Variants in CMTM1 observed in about 807,000 individuals in gnomAD.
CMTM1 encodes CKLF-like MARVEL transmembrane domain-containing protein 1.
CMTM1 carries 16 observed loss-of-function variants against 17.8 expected under a neutral mutation model. The observed-to-expected ratio is 0.90, with a 90% CI of 0.61 to 1.37. The LOEUF (loss-of-function observed/expected upper bound fraction) is 1.37. CMTM1 is among the 40% of genes most tolerant of loss of function. The probability of loss-of-function intolerance (pLI) is 0.00; values close to 1 mark genes in which losing one functional copy is unlikely to be tolerated. For missense variants in CMTM1, 354 were observed against 375.6 expected, an observed-to-expected ratio of 0.94 and a Z score of 0.47; for synonymous variants, 169 against 154.6, an observed-to-expected ratio of 1.09 and a Z score of -0.69.
chr16:66,578,992 G>A lies in CMTM1; in HGVS notation c.852G>A (p.Arg284=), dbSNP rs958484784. 1.9e-6 allele frequency: 3 copies of A among 1,613,040 alleles called. No homozygotes were observed. In the African/African-American group the frequency reaches 4.0e-5, roughly 22 times the overall value. The part of the protein sequence containing the change: ...YPETGPDAPQ[R]PA Reference sequence around the variant, plus strand: ...AAACCGGCCCCGACGCCCCGCAGAGGCCCGCCTGAAGCCAGCCCGGCGCCC... The same window carrying A: ...AAACCGGCCCCGACGCCCCGCAGAGACCCGCCTGAAGCCAGCCCGGCGCCC... The change falls in exon 4 of 4, where the codon AGG becomes AGA. Residue 284 remains arginine, a synonymous_variant. Coordinates refer to ENST00000379500, the MANE Select transcript of CMTM1 (RefSeq NM_052999.4).
intron 1 of CMTM1, among the ~76,000 whole-genome samples, chr16:66,568,613 G>A (rs926620855): frequency 5.3e-5 from 8 of 152,222 alleles, no homozygotes; most frequent in Non-Finnish European, 8.8e-5. Flanking sequence ...GTGGCCAGGC[G>A]CAGTGACTCA....
At chr16:66,569,270 C>A (rs1013505604) in intron 1 of CMTM1, among the ~76,000 whole-genome samples, 2 of 152,040 alleles carry the variant, frequency 1.3e-5, no homozygotes, top group African/African-American at 4.8e-5. Flanking sequence ...TTTAGAAATC[C>A]CAACTAAAAT....
intron 2 of CMTM1, chr16:66,574,828 C>A: frequency 2.2e-6 from 1 of 448,480 alleles, no homozygotes; most frequent in Non-Finnish European, 2.9e-6. Flanking sequence ...TTTTGGCCAA[C>A]AGAGAGCAAT....
Position 66,566,458 on chromosome 16 carries a change from G to C in CMTM1, c.-56G>C. ...TGGGACGCGACGCTGGTTCCCAGGGGAGAGCCAGCCGCTGCCGCGGCACTG... is the reference window on the plus strand; with the variant it reads ...TGGGACGCGACGCTGGTTCCCAGGGCAGAGCCAGCCGCTGCCGCGGCACTG... On this transcript the variant is annotated 5_prime_UTR_variant, in exon 1 of 4. Coordinates refer to ENST00000379500, the MANE Select transcript of CMTM1 (RefSeq NM_052999.4). The surrounding 1 kb of genome is among the most constrained non-coding windows in gnomAD (Gnocchi z 4.9). The C allele has an allele frequency of 6.6e-7, 1 of 1,509,634 alleles. No homozygotes were observed. Among genetic ancestry groups the C allele is most frequent in the Non-Finnish European group, 8.8e-7 (1 of 1,133,510 alleles). 93.5% of individuals were successfully genotyped at this position (1,509,634 alleles called of 1,614,324 possible).
At chr16:66,571,908 C>A (rs1229769903) in intron 2 of CMTM1, among the ~76,000 whole-genome samples, 1 of 152,202 alleles carries the variant, frequency 6.6e-6, no homozygotes, top group Non-Finnish European at 1.5e-5. Context: ...GAGCATGAAC[C>A]GTGAGTGTCC....
In CMTM1 at chr16:66,566,573, AC is replaced by A. The variant is rs777675871; in HGVS notation, c.62del (p.Pro21ArgfsTer13). On this transcript the variant is annotated frameshift_variant, in exon 1 of 4. Coordinates refer to ENST00000379500, the MANE Select transcript of CMTM1 (RefSeq NM_052999.4). LOFTEE classifies it high-confidence loss of function. This position sits in a 1 kb window ranked among gnomAD's most constrained non-coding sequence, Gnocchi z 4.9. ...SEAPSGNLKQPETAAALASSG... is the reference protein window; with the variant it reads ...SEAPSGNLKQXETAAALASSG... Reference sequence around the variant, plus strand: ...AGGCACCTTCAGGGAACTTGAAACAACCGGAGACTGCCGCAGCCCTGGCAAG... The same window carrying A: ...AGGCACCTTCAGGGAACTTGAAACAACGGAGACTGCCGCAGCCCTGGCAAG... The A allele has an allele frequency of 6.8e-6, 11 of 1,613,786 alleles. No homozygotes were observed. The highest frequency in any genetic ancestry group is 9.3e-6 in the Non-Finnish European group (11 of 1,179,968).
Position 66,566,810 on chromosome 16 carries a change from C to CA in CMTM1, c.298dup (p.Thr100AsnfsTer2), listed in dbSNP as rs2012477647. On this transcript the variant is annotated frameshift_variant, in exon 1 of 4. Coordinates refer to ENST00000379500, the MANE Select transcript of CMTM1 (RefSeq NM_052999.4). LOFTEE classifies it high-confidence loss of function. This position sits in a 1 kb window ranked among gnomAD's most constrained non-coding sequence, Gnocchi z 4.9. ...TCCCACCCCCCACGCCCTCTGCACA[C>CA]ACTGAATCCAAACTCTTAAATGAGA... 3.1e-6 allele frequency: 5 copies of CA among 1,612,926 alleles called. No individual in the cohort carries two copies. In the East Asian group the frequency reaches 1.1e-4, roughly 36 times the overall value.
rs145913875 is a variant in CMTM1 at position 66,566,876 on chromosome 16, G to C, written c.363G>C (p.Pro121=). ...GCGTGGAGGGCCGAGCCAAAGTCCC[G>C]TACAAATTCAGGGACAGCCTCAAAC... The part of the protein sequence containing the change: ...KERVEGRAKV[P]YKFRDSLKRF... The change falls in exon 1 of 4, where the codon CCG becomes CCC. Residue 121 remains proline, a synonymous_variant. Coordinates refer to ENST00000379500, the MANE Select transcript of CMTM1 (RefSeq NM_052999.4). This position sits in a 1 kb window ranked among gnomAD's most constrained non-coding sequence, Gnocchi z 4.9. The C allele has an allele frequency of 3.7e-6, 6 of 1,613,858 alleles. No individual in the cohort carries two copies. In the African/African-American group the frequency reaches 8.0e-5, roughly 22 times the overall value.
At position 66,566,851 on chromosome 16, in the gene CMTM1, G is replaced by A. The variant is rs771383161; in HGVS notation, c.338G>A (p.Arg113His). Residue 113 changes from arginine to histidine, a missense_variant, in exon 1 of 4, where the codon CGC (arginine) becomes CAC (histidine). Coordinates refer to ENST00000379500, the MANE Select transcript of CMTM1 (RefSeq NM_052999.4). The surrounding 1 kb of genome is among the most constrained non-coding windows in gnomAD (Gnocchi z 4.9). ...KLLNEMAIKE[R>H]VEGRAKVPYK... ...TTAAATGAGATGGCGATCAAAGAGC[G>A]CGTGGAGGGCCGAGCCAAAGTCCCG... is the stretch of plus-strand genomic sequence containing the variant. 1.2e-6 allele frequency: 2 copies of A among 1,611,724 alleles called. No individual in the cohort carries two copies. The highest frequency in any genetic ancestry group is 8.5e-7 in the Non-Finnish European group (1 of 1,179,934).
chr16:66,574,422 T>C (rs190064304), intron 2 of CMTM1, among the ~76,000 whole-genome samples: 2 of 152,246 alleles, frequency 1.3e-5, no homozygotes, highest in South Asian at 2.1e-4. Flanking sequence ...AGCCACTTAC[T>C]GGCTGAACAA....
In CMTM1 at chr16:66,567,170, T is replaced by TA. The variant is rs755218573; in HGVS notation, c.432+226dup. The TA allele has an allele frequency of 2.3e-3, 1,391 of 604,532 alleles. 11 individuals carry two copies. The East Asian group carries it at 0.037, about 16-fold the overall frequency. The allele number at this position is 604,532 out of a possible 1,614,324, so 37.4% of individuals were successfully genotyped here. On this transcript the variant is annotated intron_variant, in intron 1 of 3. Transcript: ENST00000379500. ...CTATTTTTTCTTTTTTTTTTTTTTT[T>TA]ATTATACTTTAACTTACGGGGTACA...
rs1354601816 is a variant in CMTM1, at chr16:66,578,836, G to C, written c.696G>C (p.Leu232=). The C allele has an allele frequency of 1.9e-6, 3 of 1,613,976 alleles. No individual in the cohort carries two copies. In the Admixed American group the frequency reaches 5.0e-5, roughly 27 times the overall value. ...RRHLLYVGGS[L]CLTAVIVCCI... is the part of the protein sequence containing the mutation. Reference sequence around the variant, plus strand: ...TATGGTCTTGTATCTGACAGTCCCTGTGTCTCACAGCGGTAATCGTGTGTT... The same window carrying C: ...TATGGTCTTGTATCTGACAGTCCCTCTGTCTCACAGCGGTAATCGTGTGTT... Residue 232 remains leucine, a synonymous_variant, in exon 4 of 4, where the codon CTG becomes CTC. Transcript: ENST00000379500.
In CMTM1 at chr16:66,566,528, C is replaced by T; in HGVS notation, c.15C>T (p.His5=). MDPE[H]AKPESSEAPS... is the part of the protein sequence containing the mutation. ...AGGGACCCACCATGGATCCTGAACA[C>T]GCCAAACCTGAGTCATCCGAGGCAC... is the stretch of plus-strand genomic sequence containing the variant. Residue 5 remains histidine, a synonymous_variant, in exon 1 of 4, where the codon CAC becomes CAT. Coordinates refer to ENST00000379500, the MANE Select transcript of CMTM1 (RefSeq NM_052999.4). This position sits in a 1 kb window ranked among gnomAD's most constrained non-coding sequence, Gnocchi z 4.9. 3 of 1,609,782 alleles carry T rather than the reference C, an allele frequency of 1.9e-6. No homozygotes were observed. The highest frequency in any genetic ancestry group is 2.5e-6 in the Non-Finnish European group (3 of 1,178,174).
intron 2 of CMTM1, chr16:66,571,244 G>A: frequency 2.2e-6 from 1 of 449,248 alleles, no homozygotes; most frequent in South Asian, 1.6e-5. Context: ...TCAAATCTCT[G>A]TCCGTGGAAA....
Position 66,571,021 on chromosome 16 carries a change from T to G in CMTM1, c.591+927T>G, listed in dbSNP as rs184382539. On this transcript the variant is annotated intron_variant, in intron 2 of 3. Coordinates refer to ENST00000379500, the MANE Select transcript of CMTM1 (RefSeq NM_052999.4). ...GCCTCTTCCACATCCCACTTCCTTA[T>G]AGAACATTTTTCTAACCTTAAAGTC... 7.4e-6 allele frequency: 3 copies of G among 404,176 alleles called. No individual in the cohort carries two copies. In the Admixed American group the frequency reaches 8.9e-5, roughly 12 times the overall value. The allele number at this position is 404,176 out of a possible 1,614,324, so 25.0% of individuals were successfully genotyped here.
intron 3 of CMTM1, among the ~76,000 whole-genome samples, chr16:66,578,406 C>A (rs1426865159): frequency 6.6e-6 from 1 of 152,202 alleles, no homozygotes; most frequent in South Asian, 2.1e-4. Flanking sequence ...AGGTCCTGGC[C>A]ACACCAGATT....
chr16:66,566,764 GCCCACCCCCAAAGCCCACACT>G lies in CMTM1; in HGVS notation c.261_281del (p.Lys88_Pro94del), dbSNP rs1567369454. On this transcript the variant is annotated inframe_deletion, in exon 1 of 4. Coordinates refer to ENST00000379500, the MANE Select transcript of CMTM1 (RefSeq NM_052999.4). This position sits in a 1 kb window ranked among gnomAD's most constrained non-coding sequence, Gnocchi z 4.9. Reference sequence around the variant, plus strand: ...GCACCCTCAAGGAAAGCCACCACACGCCCACCCCCAAAGCCCACACTCCCACCCCCCACGCCCTCTGCACAC... The same window carrying G: ...GCACCCTCAAGGAAAGCCACCACACGCCCACCCCCCACGCCCTCTGCACAC... 1.9e-6 allele frequency: 3 copies of G among 1,613,284 alleles called. No individual in the cohort carries two copies. The highest frequency in any genetic ancestry group is 1.7e-5 in the Admixed American group (1 of 59,950).
At chr16:66,568,166 T>G (rs926503423) in intron 1 of CMTM1, among the ~76,000 whole-genome samples, 2 of 152,226 alleles carry the variant, frequency 1.3e-5, no homozygotes, top group African/African-American at 4.8e-5. Context: ...AGATCTCACT[T>G]GCATCAGAAC....
Position 66,574,851 on chromosome 16 carries a change from A to G in CMTM1, c.592-2253A>G, listed in dbSNP as rs2014033195. 3 of 659,660 alleles carry G rather than the reference A, an allele frequency of 4.5e-6. No individual in the cohort carries two copies. In the South Asian group the frequency reaches 2.0e-4, roughly 45 times the overall value. 40.9% of individuals were successfully genotyped at this position (659,660 alleles called of 1,614,324 possible). On this transcript the variant is annotated intron_variant, in intron 2 of 3. Transcript: ENST00000379500. ...AACAGAGAGCAATTTTTAAAAAAGA[A>G]TATTTGACTTTTGAAGTTTATACTC...
Sources: gnomAD v4.1 joint callset for allele counts (sites outside exome capture counted in the v4.1 genomes callset) on GRCh38, gnomAD v4.1.1 for gene constraint, Gnocchi (gnomAD v3.1) non-coding constraint, MANE v1.5 for transcripts, NCBI Gene and HGNC (gene_info 2026-07-23, HGNC 2026-07-21) for gene names.